The following TMCO6 variants were observed in gnomAD, a reference collection of about 807,000 sequenced individuals.
The protein encoded by TMCO6 is transmembrane and coiled-coil domain-containing protein 6.
TMCO6 carries 47 observed loss-of-function variants against 61.8 expected under a neutral mutation model. That is an observed-to-expected ratio of 0.76 (90% confidence interval 0.60 to 0.97). The LOEUF (loss-of-function observed/expected upper bound fraction) is 0.97. TMCO6 is among the 50% of genes least tolerant of loss of function. The pLI is 0.00. For synonymous variants in TMCO6, 261 were observed against 254.2 expected (o/e 1.03, Z -0.25); for missense variants, 557 against 601.6 (o/e 0.93, Z 0.78).
At chr5:140,624,847 T>C in the TMCO6 span, among the ~76,000 whole-genome samples, 1 of 116,556 alleles carries the variant, frequency 8.6e-6, no homozygotes, top group Non-Finnish European at 1.7e-5. Context: ...TTTCTTTCTT[T>C]CTTTCTTTCT....
At chr5:140,630,173 T>C in the TMCO6 span, among the ~76,000 whole-genome samples, 1 of 151,896 alleles carries the variant, frequency 6.6e-6, no homozygotes, top group Non-Finnish European at 1.5e-5. Context: ...TTTGTATTTT[T>C]AGTAGAGACA....
chr5:140,639,432 C>A (rs1756869174), upstream of TMCO6: 2 of 1,317,300 alleles, frequency 1.5e-6, no homozygotes, highest in African/African-American at 1.5e-5. Flanking sequence ...CGCCTGTTCC[C>A]GCCCTGTGCT....
chr5:140,604,750 G>A, the TMCO6 span, among the ~76,000 whole-genome samples: 2 of 149,604 alleles, frequency 1.3e-5, no homozygotes, highest in South Asian at 4.2e-4. Flanking sequence ...TTTTGTATAT[G>A]GAGAGAGGTA....
At chr5:140,632,794 G>A in the TMCO6 span, 1 of 1,613,700 alleles carries the variant, frequency 6.2e-7, no homozygotes, top group Non-Finnish European at 8.5e-7. This position sits in a 1 kb window ranked among gnomAD's most constrained non-coding sequence, Gnocchi z 6.2. Context: ...TCTAGGTTGA[G>A]ACCGCCGGCA....
chr5:140,616,095 G>A, the TMCO6 span, among the ~76,000 whole-genome samples: 1 of 151,780 alleles, frequency 6.6e-6, no homozygotes, highest in Admixed American at 6.6e-5. Flanking sequence ...CCATGCCACT[G>A]CACTCCAGCC....
downstream of TMCO6, among the ~76,000 whole-genome samples, chr5:140,646,009 CT>C (rs5871744): frequency 0.37 from 45,949 of 123,958 alleles, 6,828 homozygotes; most frequent in East Asian, 0.38. Flanking sequence ...CATTCTCTCT[CT>C]TTTTTTTTTT....
At chr5:140,611,054 A>C in the TMCO6 span, among the ~76,000 whole-genome samples, 3 of 152,336 alleles carry the variant, frequency 2.0e-5, no homozygotes, top group East Asian at 3.9e-4. Flanking sequence ...TTAAAGAGGA[A>C]AGAAACATGA....
At chr5:140,643,094 T>A in intron 7 of TMCO6, 53 bp downstream of exon 7, 2 of 1,611,904 alleles carry the variant, frequency 1.2e-6, no homozygotes, top group Non-Finnish European at 1.7e-6. Context: ...CTCCCTTCCA[T>A]GACATTCAAC....
chr5:140,642,130 G>A, intron 4 of TMCO6, 77 bp downstream of exon 4: 1 of 1,540,466 alleles, frequency 6.5e-7, no homozygotes, highest in Non-Finnish European at 8.8e-7. Context: ...TGAGCTGGCA[G>A]GTAGGAGGAA....
the TMCO6 span, among the ~76,000 whole-genome samples, chr5:140,631,218 G>C: frequency 1.3e-5 from 2 of 152,086 alleles, no homozygotes; most frequent in African/African-American, 4.8e-5. Flanking sequence ...GGTGAAGAGA[G>C]GTTTTACAAG....
rs977180113 is a variant in TMCO6, at chr5:140,644,268, T to C, written c.1200+74T>C. On this transcript the variant is annotated intron_variant, in intron 10 of 11. Coordinates refer to ENST00000394671, the MANE Select transcript of TMCO6 (RefSeq NM_018502.5). ...GGGACAGCAGTCCTGAGCCCTCAGA[T>C]GTACCCTTAGTTGAGAGCCAGCAGG... 359 of 1,505,978 alleles carry C rather than the reference T, an allele frequency of 2.4e-4. 1 individual carries two copies. Among genetic ancestry groups the C allele is most frequent in the Non-Finnish European group, 3.0e-4 (325 of 1,082,354 alleles). The allele number at this position is 1,505,978 out of a possible 1,614,324, so 93.3% of individuals were successfully genotyped here.
chr5:140,639,643 A>T, intron 1 of TMCO6, 31 bp downstream of exon 1: 2 of 1,540,126 alleles, frequency 1.3e-6, no homozygotes, highest in Non-Finnish European at 1.8e-6. Flanking sequence ...GCGGGGGTAT[A>T]TGGCGGTCGG....
chr5:140,646,325 T>C (rs1178936467), downstream of TMCO6, among the ~76,000 whole-genome samples: 1 of 152,138 alleles, frequency 6.6e-6, no homozygotes, highest in Non-Finnish European at 1.5e-5. Context: ...ACCCATTCTC[T>C]AGGCTCCCAT....
At chr5:140,627,439 T>G in the TMCO6 span, among the ~76,000 whole-genome samples, 2 of 152,214 alleles carry the variant, frequency 1.3e-5, no homozygotes, top group South Asian at 4.1e-4. Context: ...GTAAACTCAG[T>G]GTCTGACCTG....
the TMCO6 span, among the ~76,000 whole-genome samples, chr5:140,608,716 T>G: frequency 6.6e-6 from 1 of 152,234 alleles, no homozygotes; most frequent in Non-Finnish European, 1.5e-5. Context: ...CATCTGCATA[T>G]GGATATCCAG....
chr5:140,621,070 G>C, the TMCO6 span, among the ~76,000 whole-genome samples: 11 of 152,014 alleles, frequency 7.2e-5, no homozygotes, highest in Non-Finnish European at 1.2e-4. Context: ...ATATGATCCA[G>C]CAATTTCACT....
the TMCO6 span, chr5:140,633,719 G>C: frequency 1.3e-5 from 2 of 152,240 alleles, no homozygotes; most frequent in African/African-American, 2.4e-5. Flanking sequence ...AGAAAAGGAA[G>C]TTGGTCTAAA....
At chr5:140,636,445 G>A (rs986059274), upstream of TMCO6, among the ~76,000 whole-genome samples, 1 of 150,688 alleles carries the variant, frequency 6.6e-6, no homozygotes, top group Admixed American at 6.6e-5. Context: ...CTGCAGCGTG[G>A]GCAACCGAGC....
the TMCO6 span, among the ~76,000 whole-genome samples, chr5:140,634,040 G>A: frequency 6.6e-6 from 1 of 151,916 alleles, no homozygotes; most frequent in East Asian, 1.9e-4. Context: ...CACCCGCCTC[G>A]GCCTCCCAAA....
Sources: gnomAD v4.1 joint callset for allele counts (sites outside exome capture counted in the v4.1 genomes callset) on GRCh38, gnomAD v4.1.1 for gene constraint, Gnocchi (gnomAD v3.1) non-coding constraint, MANE v1.5 for transcripts, NCBI Gene and HGNC (gene_info 2026-07-23, HGNC 2026-07-21) for gene names.